TNPO3: variants seen among roughly 807,000 people sequenced by gnomAD.
TNPO3 encodes transportin-3.
TNPO3 carries 65 observed loss-of-function variants against 122.8 expected under a neutral mutation model. That is an observed-to-expected ratio of 0.53 (90% CI 0.43 to 0.65). TNPO3 has a LOEUF of 0.65. TNPO3 is among the 30% of genes least tolerant of loss of function. The pLI, the probability that TNPO3 is intolerant of heterozygous loss-of-function variation, is 0.00. For missense variants in TNPO3, 850 were observed against 1,136.7 expected, an observed-to-expected ratio of 0.75 and a Z score of 3.63; for synonymous variants, 372 against 411.2, an observed-to-expected ratio of 0.90 and a Z score of 1.15.
Position 128,984,296 on chromosome 7 carries a change from G to A in TNPO3, c.1691-37C>T, listed in dbSNP as rs1229422384. ...AGGAAGATACAAATGAAAAATAAAC[G>A]CTGAATTGAGGTAACTTAACTGGAC... is the stretch of plus-strand genomic sequence containing the variant. On this transcript the variant is annotated intron_variant, in intron 12 of 22. Transcript: ENST00000265388. 8 of 1,495,594 alleles carry A rather than the reference G, an allele frequency of 5.3e-6. No individual in the cohort carries two copies. The East Asian group carries it at 6.8e-5, about 13-fold the overall frequency. 92.6% of individuals were successfully genotyped at this position (1,495,594 alleles called of 1,614,324 possible).
chr7:128,987,879 A>C (rs1366553905), intron 11 of TNPO3, among the ~76,000 whole-genome samples: 1 of 152,112 alleles, frequency 6.6e-6, no homozygotes, highest in Non-Finnish European at 1.5e-5. Context: ...ACGCCTGGGC[A>C]AAAAACCATG....
chr7:128,955,284 C>T lies in TNPO3; in HGVS notation c.*133G>A, dbSNP rs1244891661. ...AGTCTCTCCCTGTCTGGCGGGACAC[C>T]CTGGTGGCGGTGAAGGCCCCTCTGC... On this transcript the variant is annotated 3_prime_UTR_variant, in exon 23 of 23. Coordinates refer to ENST00000265388, the MANE Select transcript of TNPO3 (RefSeq NM_012470.4). The T allele has an allele frequency of 2.2e-6, 1 of 454,570 alleles. No individual in the cohort carries two copies. Among genetic ancestry groups the T allele is most frequent in the African/African-American group, 2.0e-5 (1 of 49,962 alleles). 28.2% of individuals were successfully genotyped at this position (454,570 alleles called of 1,614,324 possible).
chr7:129,032,142 C>T (rs1406175718), intron 1 of TNPO3, among the ~76,000 whole-genome samples: 1 of 152,188 alleles, frequency 6.6e-6, no homozygotes, highest in Non-Finnish European at 1.5e-5. Context: ...AAAAAAGCAT[C>T]TAACAGACTT....
Position 128,961,714 on chromosome 7 carries a change from C to T in TNPO3, c.2712-4399G>A, listed in dbSNP as rs376413804. 8.5e-5 allele frequency among the ~76,000 whole-genome samples: 13 copies of T among 152,250 alleles called. No individual in the cohort carries two copies. In the South Asian group the frequency reaches 1.0e-3, roughly 12 times the overall value. On this transcript the variant is annotated intron_variant, in intron 21 of 22. Coordinates refer to ENST00000265388, the MANE Select transcript of TNPO3 (RefSeq NM_012470.4). ...GAAAGCTTTTATGGTCACTATTTCT[C>T]GAGCCCCATAAGATTACTAGAGGAG...
intron 1 of TNPO3, among the ~76,000 whole-genome samples, chr7:129,019,812 G>A (rs1334062495): frequency 1.3e-5 from 2 of 152,052 alleles, no homozygotes; most frequent in African/African-American, 2.4e-5. Context: ...TGGCCAACAT[G>A]GTGAAACCCG....
intron 18 of TNPO3, among the ~76,000 whole-genome samples, chr7:128,974,098 C>T (rs1208628093): frequency 6.6e-6 from 1 of 151,492 alleles, no homozygotes; most frequent in Non-Finnish European, 1.5e-5. Flanking sequence ...CACTTGAACC[C>T]AGGAGGCAGA....
chr7:129,001,855 A>AT (rs1478431687), intron 5 of TNPO3, among the ~76,000 whole-genome samples: 1 of 152,182 alleles, frequency 6.6e-6, no homozygotes, highest in African/African-American at 2.4e-5. Flanking sequence ...ATGGAAAGCC[A>AT]TGTGTTCCCT....
At chr7:128,958,973 C>T (rs1199061892) in intron 21 of TNPO3, among the ~76,000 whole-genome samples, 1 of 152,064 alleles carries the variant, frequency 6.6e-6, no homozygotes, top group Non-Finnish European at 1.5e-5. Context: ...CACTGCACTC[C>T]AGGCTGGGCA....
intron 20 of TNPO3, among the ~76,000 whole-genome samples, chr7:128,967,864 C>A (rs1798077458): frequency 6.6e-6 from 1 of 152,108 alleles, no homozygotes; most frequent in South Asian, 2.1e-4. Context: ...ATCCTCCCAC[C>A]TCAGCTTCCC....
At chr7:128,966,537 A>G (rs1016984575) in intron 21 of TNPO3, among the ~76,000 whole-genome samples, 5 of 152,216 alleles carry the variant, frequency 3.3e-5, no homozygotes, top group African/African-American at 1.2e-4. Context: ...TTAAAGGAAA[A>G]TATTCAGTAG....
intron 1 of TNPO3, among the ~76,000 whole-genome samples, chr7:129,032,909 T>C (rs1404644172): frequency 6.6e-6 from 1 of 152,146 alleles, no homozygotes; most frequent in Non-Finnish European, 1.5e-5. Context: ...TAAAAAAGAA[T>C]AATATTGGAG....
At chr7:129,045,777 C>G (rs1023566875) in intron 1 of TNPO3, among the ~76,000 whole-genome samples, 2 of 152,328 alleles carry the variant, frequency 1.3e-5, no homozygotes, top group East Asian at 3.9e-4. Context: ...AATGCCACCA[C>G]ATAACAGACT....
intron 1 of TNPO3, among the ~76,000 whole-genome samples, chr7:129,046,001 C>T (rs890811036): frequency 6.6e-6 from 1 of 151,932 alleles, no homozygotes; most frequent in Non-Finnish European, 1.5e-5. Context: ...AGATTGAGAC[C>T]ATTCTGGCTA....
At position 128,957,435 on chromosome 7, in the gene TNPO3, C is replaced by T. The variant is rs987311178; in HGVS notation, c.2712-120G>A. On this transcript the variant is annotated intron_variant, in intron 21 of 22. Coordinates refer to ENST00000265388, the MANE Select transcript of TNPO3 (RefSeq NM_012470.4). ...CAACTCTGCTAGGAGCTCTCTCCAT[C>T]GTCTCCTGAGCGATCCTGGCTTCAG... 138 of 984,374 alleles carry T rather than the reference C, an allele frequency of 1.4e-4. No homozygotes were observed. The Middle Eastern group carries it at 1.6e-3, about 12-fold the overall frequency. The allele number at this position is 984,374 out of a possible 1,614,324, so 61.0% of individuals were successfully genotyped here.
At chr7:129,018,247 C>A in intron 1 of TNPO3, 90 bp from the exon 2 acceptor site, 1 of 1,311,326 alleles carries the variant, frequency 7.6e-7, no homozygotes, top group South Asian at 1.5e-5. Context: ...ACATATTTAG[C>A]CCAAAGTATA....
At chr7:129,046,485 A>G (rs1441765791) in intron 1 of TNPO3, among the ~76,000 whole-genome samples, 1 of 152,210 alleles carries the variant, frequency 6.6e-6, no homozygotes, top group East Asian at 1.9e-4. Flanking sequence ...TGCAAGCATA[A>G]GCACACACAA....
chr7:129,053,360 G>A (rs1023763186), intron 1 of TNPO3, among the ~76,000 whole-genome samples: 1 of 150,554 alleles, frequency 6.6e-6, no homozygotes, highest in African/African-American at 2.4e-5. Flanking sequence ...TCGGGTGTCA[G>A]GGCAGGCACC....
At position 129,041,142 on chromosome 7, in the gene TNPO3, C is replaced by T. The variant is rs531121679; in HGVS notation, c.120+13509G>A. Among the ~76,000 whole-genome samples, 5 of 152,062 alleles carry T rather than the reference C, an allele frequency of 3.3e-5. No homozygotes were observed. In the South Asian group the frequency reaches 1.0e-3, roughly 32 times the overall value. On this transcript the variant is annotated intron_variant, in intron 1 of 22. Transcript: ENST00000265388. The stretch of plus-strand genomic sequence containing the variant: ...AGCTTTCAGAGGCCTAGGCAGGAGG[C>T]TTGCTTAAGGCCAGGTGTTCAAAAC...
chr7:129,019,390 T>C (rs1007789715), intron 1 of TNPO3, among the ~76,000 whole-genome samples: 1 of 152,204 alleles, frequency 6.6e-6, no homozygotes, highest in African/African-American at 2.4e-5. Context: ...GACAGAGCTC[T>C]TCACAAGTAA....
Sources: gnomAD v4.1 joint callset for allele counts (sites outside exome capture counted in the v4.1 genomes callset) on GRCh38, gnomAD v4.1.1 for gene constraint, MANE v1.5 for transcripts, NCBI Gene and HGNC (gene_info 2026-07-23, HGNC 2026-07-21) for gene names.